Variants in IWS1 observed in about 807,000 individuals in gnomAD.
IWS1 encodes the protein interacts with SUPT6H, CTD assembly factor 1.
Under a neutral mutation model 86.7 loss-of-function variants are expected in IWS1, and 27 were observed. The observed-to-expected ratio is 0.31, with a 90% CI of 0.23 to 0.43. The LOEUF (loss-of-function observed/expected upper bound fraction) is 0.43. Among genes scored for constraint, IWS1 ranks in the 20% least tolerant of loss-of-function variants. The pLI is 1.00. For synonymous variants in IWS1, 313 were observed against 335.1 expected (o/e 0.93, Z 0.72); for missense variants, 827 against 1,000.8 (o/e 0.83, Z 2.34).
chr2:127,500,283 A>T lies in IWS1; in HGVS notation c.1468-2046T>A, dbSNP rs140528556. Among the ~76,000 whole-genome samples, 1,465 of 152,318 alleles carry T rather than the reference A, an allele frequency of 9.6e-3. 30 individuals are homozygous for T. The highest frequency in any genetic ancestry group is 0.033 in the African/African-American group (1,387 of 41,558). On this transcript the variant is annotated intron_variant, in intron 5 of 13. Coordinates refer to ENST00000295321, the MANE Select transcript of IWS1 (RefSeq NM_017969.3). ...AATTGCCAAAGAGGATTATACGTGG[A>T]TTATATAGAGACTGTTCCCTGGTTT...
intron 6 of IWS1, 73 bp from the exon 7 acceptor site, chr2:127,496,221 G>C: frequency 6.8e-7 from 1 of 1,473,548 alleles, no homozygotes; most frequent in Non-Finnish European, 9.2e-7. Flanking sequence ...CAACAATTAA[G>C]AACACCAAAT....
intron 13 of IWS1, chr2:127,486,101 G>C (rs922059206): frequency 6.3e-6 from 1 of 159,602 alleles, no homozygotes; most frequent in African/African-American, 2.4e-5. Flanking sequence ...CCACTGAGCA[G>C]TATTTACAAT....
In IWS1 at chr2:127,505,108, A is replaced by G; in HGVS notation, c.795T>C (p.Asn265=). 6.2e-7 allele frequency: 1 copy of G among 1,610,136 alleles called. No homozygotes were observed. Among genetic ancestry groups the G allele is most frequent in the South Asian group, 1.1e-5 (1 of 90,784 alleles). The change falls in exon 3 of 14, where the codon AAT becomes AAC. Residue 265 remains asparagine (N), a synonymous_variant. Transcript: ENST00000295321. This position sits in a 1 kb window ranked among gnomAD's most constrained non-coding sequence, Gnocchi z 5.0. ...PPRHQASDSE[N]EELPKPRISD... ...TGATTCGGGGTTTGGGAAGCTCTTCATTTTCTGAGTCACTGGCCTGGTGCC... is the reference window on the plus strand; with the variant it reads ...TGATTCGGGGTTTGGGAAGCTCTTCGTTTTCTGAGTCACTGGCCTGGTGCC...
chr2:127,481,631 T>A (rs1044315858), intron 13 of IWS1, among the ~76,000 whole-genome samples: 1 of 152,156 alleles, frequency 6.6e-6, no homozygotes, highest in Non-Finnish European at 1.5e-5. Flanking sequence ...TTAAGCATAA[T>A]AAATGAGGTT....
At position 127,526,433 on chromosome 2, in the gene IWS1, G is replaced by A. The variant is rs1247241049; in HGVS notation, c.-225C>T. 5 of 1,535,662 alleles carry A rather than the reference G, an allele frequency of 3.3e-6. No individual in the cohort carries two copies. In the South Asian group the frequency reaches 3.6e-5, roughly 11 times the overall value. On this transcript the variant is annotated 5_prime_UTR_variant, in exon 1 of 14. Coordinates refer to ENST00000295321, the MANE Select transcript of IWS1 (RefSeq NM_017969.3). ...TACCCGGCAGGCTGGCGGGCGGGCA[G>A]GCATGCGAGCCGGCGTTCTACTTCC... is the stretch of plus-strand genomic sequence containing the variant.
chr2:127,502,714 G>T, intron 5 of IWS1, 101 bp downstream of exon 5: 2 of 597,080 alleles, frequency 3.3e-6, no homozygotes, highest in South Asian at 2.2e-5. Context: ...CATCATAATT[G>T]TTTATTCCTA....
rs930315777 is a variant in IWS1, at chr2:127,499,434, T to C, written c.1468-1197A>G. Reference sequence around the variant, plus strand: ...AATGAAATGGCCTGTCTTTTCTTTATAGTGTCTACCTTTTGTGTTATACTT... The same window carrying C: ...AATGAAATGGCCTGTCTTTTCTTTACAGTGTCTACCTTTTGTGTTATACTT... On this transcript the variant is annotated intron_variant, in intron 5 of 13. Coordinates refer to ENST00000295321, the MANE Select transcript of IWS1 (RefSeq NM_017969.3). This position sits in a 1 kb window ranked among gnomAD's most constrained non-coding sequence, Gnocchi z 4.0. Among the ~76,000 whole-genome samples the C allele has an allele frequency of 6.6e-6, 1 of 152,218 alleles. No individual in the cohort carries two copies. Among genetic ancestry groups the C allele is most frequent in the African/African-American group, 2.4e-5 (1 of 41,462 alleles).
At chr2:127,522,375 T>C (rs1192620076) in intron 2 of IWS1, among the ~76,000 whole-genome samples, 1 of 152,212 alleles carries the variant, frequency 6.6e-6, no homozygotes, top group African/African-American at 2.4e-5. Flanking sequence ...TCTAATTATC[T>C]GTTTTCTTCA....
In IWS1 at chr2:127,486,469, T is replaced by C. The variant is rs1458257386; in HGVS notation, c.2328+84A>G. Reference sequence around the variant, plus strand: ...TCTGAATCAGACAAACTTCAAGAGCTACAAGGGTTATTAACACATGAAGTA... The same window carrying C: ...TCTGAATCAGACAAACTTCAAGAGCCACAAGGGTTATTAACACATGAAGTA... On this transcript the variant is annotated intron_variant, in intron 13 of 13. Coordinates refer to ENST00000295321, the MANE Select transcript of IWS1 (RefSeq NM_017969.3). 5 of 989,956 alleles carry C rather than the reference T, an allele frequency of 5.1e-6. No homozygotes were observed. The Admixed American group carries it at 7.3e-5, about 14-fold the overall frequency. The allele number at this position is 989,956 out of a possible 1,614,324, so 61.3% of individuals were successfully genotyped here. A position where few individuals can be genotyped will look rare whatever the true frequency, so the allele number is the denominator to read the frequency against.
chr2:127,484,122 A>C (rs964440287), intron 13 of IWS1, among the ~76,000 whole-genome samples: 1 of 151,972 alleles, frequency 6.6e-6, no homozygotes, highest in Non-Finnish European at 1.5e-5. Context: ...TGGCTAACAC[A>C]GTGAAACCCC....
At chr2:127,490,536 T>A (rs554589974) in intron 10 of IWS1, among the ~76,000 whole-genome samples, 4 of 152,224 alleles carry the variant, frequency 2.6e-5, no homozygotes, top group Admixed American at 2.0e-4. Context: ...TAAGACATAA[T>A]GTAGCTTACT....
At position 127,523,712 on chromosome 2, in the gene IWS1, G is replaced by A. The variant is rs767090970; in HGVS notation, c.114C>T (p.Ser38=). The change falls in exon 2 of 14, where the codon TCC becomes TCT. Residue 38 remains serine (S), a synonymous_variant. Coordinates refer to ENST00000295321, the MANE Select transcript of IWS1 (RefSeq NM_017969.3). ...GTTCTACACTTCCAGTGTCTGATCC[G>A]GAGTGTTGCTCATTTACATCATCCT... ...DGEDDVNEQH[S]GSDTGSVERH... is the part of the protein sequence containing the mutation. The A allele has an allele frequency of 1.3e-5, 21 of 1,613,620 alleles. No individual in the cohort carries two copies. The highest frequency in any genetic ancestry group is 8.0e-5 in the African/African-American group (6 of 74,908).
intron 4 of IWS1, 78 bp from the exon 5 acceptor site, chr2:127,502,950 T>C: frequency 6.1e-6 from 5 of 815,280 alleles, no homozygotes; most frequent in South Asian, 1.5e-5. Flanking sequence ...AAAAATAGAA[T>C]TTATGTACAG....
At chr2:127,522,181 C>T (rs972286754) in intron 2 of IWS1, among the ~76,000 whole-genome samples, 1 of 152,180 alleles carries the variant, frequency 6.6e-6, no homozygotes, top group African/African-American at 2.4e-5. Context: ...GTTCCACTGG[C>T]TCCTTGAAGA....
intron 2 of IWS1, among the ~76,000 whole-genome samples, chr2:127,521,160 G>A: frequency 6.6e-6 from 1 of 152,228 alleles, no homozygotes; most frequent in Non-Finnish European, 1.5e-5. Context: ...GCTGAGGCAG[G>A]AGAATTGCTT....
intron 2 of IWS1, among the ~76,000 whole-genome samples, chr2:127,515,715 C>T (rs1362000953): frequency 6.6e-6 from 1 of 152,168 alleles, no homozygotes; most frequent in Non-Finnish European, 1.5e-5. Context: ...TGAAGAAACG[C>T]CTACACAAAT....
chr2:127,510,226 G>T (rs562296514), intron 2 of IWS1, among the ~76,000 whole-genome samples: 1 of 152,124 alleles, frequency 6.6e-6, no homozygotes, highest in East Asian at 1.9e-4. Flanking sequence ...TTGTCAATGC[G>T]TATCAGTTTA....
intron 10 of IWS1, 100 bp downstream of exon 10, chr2:127,491,871 G>C: frequency 1.3e-6 from 1 of 751,298 alleles, no homozygotes. Flanking sequence ...TTACCGACTC[G>C]TTTAAAACAA....
At position 127,505,419 on chromosome 2, in the gene IWS1, C is replaced by T. The variant is rs576519370; in HGVS notation, c.484G>A (p.Glu162Lys). The T allele has an allele frequency of 1.2e-6, 2 of 1,614,166 alleles. No individual in the cohort carries two copies. The highest frequency in any genetic ancestry group is 2.7e-5 in the African/African-American group (2 of 75,034). ...CTAGCAGGACTCTTCTGGAGCTCCTCAATCTCAGAATCACTGGCGGGATGC... is the reference window on the plus strand; with the variant it reads ...CTAGCAGGACTCTTCTGGAGCTCCTTAATCTCAGAATCACTGGCGGGATGC... ...GKHPASDSEI[E>K]ELQKSPASDS... Residue 162 changes from glutamate to lysine, a missense_variant, in exon 3 of 14, where the codon GAG becomes AAG. Around this residue, in one of 2 missense-constraint regions of IWS1, gnomAD observed 548 missense variants for 560.2 expected, o/e 0.98. Transcript: ENST00000295321. This position sits in a 1 kb window ranked among gnomAD's most constrained non-coding sequence, Gnocchi z 5.0.
Sources: allele counts gnomAD v4.1 joint callset (sites outside exome capture counted in the v4.1 genomes callset), GRCh38; gene constraint gnomAD v4.1.1; regional missense constraint gnomAD v4.1.1; non-coding constraint Gnocchi (gnomAD v3.1); transcripts MANE v1.5; gene names NCBI Gene and HGNC (gene_info 2026-07-23, HGNC 2026-07-21).